FANCM: variants seen among roughly 807,000 people sequenced by gnomAD.
FANCM encodes Fanconi anemia group M protein.
Under a neutral mutation model 199.5 loss-of-function variants are expected in FANCM, and 140 were observed. The ratio of observed to expected loss-of-function variants is 0.70; its 90% CI spans 0.61 to 0.81. The LOEUF (loss-of-function observed/expected upper bound fraction) is 0.81. Among genes scored for constraint, FANCM ranks in the 30% least tolerant of loss-of-function variants. The pLI is 0.00. For synonymous variants in FANCM, 840 were observed against 836.8 expected, an observed-to-expected ratio of 1.00 and a Z score of -0.07; for missense variants, 2,410 against 2,421.4, an observed-to-expected ratio of 1.00 and a Z score of 0.10.
chr14:45,189,162 G>T lies in FANCM; in HGVS notation c.5140G>T (p.Ala1714Ser). ...AAATTCAGTGCCTTCTGGATCTTCT[G>T]CGCAGTCCAAGGTGCGTTCTACTCC... is the stretch of plus-strand genomic sequence containing the variant. Reference protein sequence around the residue: ...CLNSVPSGSSAQSKVRSTPRV... With the variant: ...CLNSVPSGSSSQSKVRSTPRV... The change falls in exon 20 of 23, where the codon GCG becomes TCG. Residue 1714 changes from alanine to serine, a missense_variant. Physicochemically the swap from Ala to Ser is moderately conservative, Grantham distance 99. Coordinates refer to ENST00000267430, the MANE Select transcript of FANCM (RefSeq NM_020937.4). 1 of 1,614,170 alleles carries T rather than the reference G, an allele frequency of 6.2e-7. No homozygotes were observed. The highest frequency in any genetic ancestry group is 2.2e-5 in the East Asian group (1 of 44,876).
chr14:45,173,335 A>G, intron 13 of FANCM, 125 bp downstream of exon 13: 1 of 838,272 alleles, frequency 1.2e-6, no homozygotes, highest in East Asian at 2.6e-5. Flanking sequence ...TTGTGATCTC[A>G]GTAAAGAATG....
rs1219476934 is a variant in FANCM at position 45,141,098 on chromosome 14, T to G, written c.759+389T>G. 3.9e-5 allele frequency among the ~76,000 whole-genome samples: 6 copies of G among 151,908 alleles called. No individual in the cohort carries two copies. In the East Asian group the frequency reaches 1.2e-3, roughly 30 times the overall value. On this transcript the variant is annotated intron_variant, in intron 3 of 22. Coordinates refer to ENST00000267430, the MANE Select transcript of FANCM (RefSeq NM_020937.4). Reference sequence around the variant, plus strand: ...GGTCAGGAGATCCAGACCATCCTGGTTAACACGGTGAAACCCGGTGTCTAC... The same window carrying G: ...GGTCAGGAGATCCAGACCATCCTGGGTAACACGGTGAAACCCGGTGTCTAC...
At chr14:45,162,221 A>G (rs1394286962) in intron 9 of FANCM, among the ~76,000 whole-genome samples, 1 of 152,224 alleles carries the variant, frequency 6.6e-6, no homozygotes, top group Non-Finnish European at 1.5e-5. Flanking sequence ...CCCTGTCTCT[A>G]CTGAAAATAC....
At chr14:45,198,055 C>T (rs1463587391) in intron 21 of FANCM, among the ~76,000 whole-genome samples, 1 of 152,066 alleles carries the variant, frequency 6.6e-6, no homozygotes, top group East Asian at 1.9e-4. Flanking sequence ...GTTTGAGCCA[C>T]CAGCCTTCTT....
chr14:45,140,519 A>T (rs1446377086), intron 2 of FANCM, 113 bp from the exon 3 acceptor site: 5 of 719,386 alleles, frequency 7.0e-6, no homozygotes, highest in African/African-American at 3.5e-5. Context: ...CTAGACCATC[A>T]ATATACTGAT....
chr14:45,193,990 T>A (rs1341968733), intron 20 of FANCM, among the ~76,000 whole-genome samples: 1 of 152,122 alleles, frequency 6.6e-6, no homozygotes, highest in African/African-American at 2.4e-5. Flanking sequence ...AATTAAAATC[T>A]GCAAAAGAAT....
chr14:45,168,433 T>A (rs1160446893), intron 11 of FANCM, among the ~76,000 whole-genome samples: 1 of 151,926 alleles, frequency 6.6e-6, no homozygotes, highest in Non-Finnish European at 1.5e-5. Context: ...CATTATATTT[T>A]TTATAGTTGC....
chr14:45,146,904 T>C (rs933536949), intron 3 of FANCM, among the ~76,000 whole-genome samples: 6 of 150,332 alleles, frequency 4.0e-5, no homozygotes, highest in African/African-American at 1.2e-4. Context: ...ATCTTGTCAG[T>C]GTTCCTTATT....
intron 20 of FANCM, among the ~76,000 whole-genome samples, chr14:45,193,387 C>G (rs1889882960): frequency 1.3e-5 from 2 of 152,288 alleles, no homozygotes; most frequent in Admixed American, 6.5e-5. Flanking sequence ...TCCTAGTGCT[C>G]CCTCCCACCA....
intron 21 of FANCM, 34 bp downstream of exon 21, chr14:45,196,581 T>C: frequency 2.5e-6 from 4 of 1,594,548 alleles, no homozygotes; most frequent in Non-Finnish European, 3.4e-6. Context: ...TTTATAAGAC[T>C]GTAAAGGAAC....
chr14:45,168,769 TAC>T (rs1234233577), intron 11 of FANCM, among the ~76,000 whole-genome samples: 1 of 148,062 alleles, frequency 6.8e-6, no homozygotes, highest in Non-Finnish European at 1.5e-5. Context: ...CTAGTGTTTA[TAC>T]ATAGTATATA....
chr14:45,182,755 C>A (rs1003471030), intron 16 of FANCM, among the ~76,000 whole-genome samples: 1 of 152,142 alleles, frequency 6.6e-6, no homozygotes, highest in African/African-American at 2.4e-5. Flanking sequence ...GAGTTGGATC[C>A]TGATACGCAC....
At position 45,148,200 on chromosome 14, in the gene FANCM, A is replaced by AACACACACACACACAC. The variant is rs200351777; in HGVS notation, c.760-617_760-602dup. On this transcript the variant is annotated intron_variant, in intron 3 of 22. Transcript: ENST00000267430. ...TGACAGAACGAGGCACCGTCTCAAA[A>AACACACACACACACAC]ACACACACACACACACACACACACA... is the stretch of plus-strand genomic sequence containing the variant. 4.5e-3 allele frequency among the ~76,000 whole-genome samples: 646 copies of AACACACACACACACAC among 142,420 alleles called. 3 individuals are homozygous for AACACACACACACACAC. The highest frequency in any genetic ancestry group is 0.016 in the African/African-American group (613 of 38,420). The allele number at this position is 142,420 out of a possible 152,430, so 93.4% of individuals were successfully genotyped here. A position where few individuals can be genotyped will look rare whatever the true frequency, so the allele number is the denominator to read the frequency against.
chr14:45,137,304 A>G lies in FANCM; in HGVS notation c.681+63A>G, dbSNP rs1250142199. 5.2e-6 allele frequency: 7 copies of G among 1,357,526 alleles called. No homozygotes were observed. The South Asian group carries it at 8.2e-5, about 16-fold the overall frequency. 84.1% of individuals were successfully genotyped at this position (1,357,526 alleles called of 1,614,324 possible). A position where few individuals can be genotyped will look rare whatever the true frequency, so the allele number is the denominator to read the frequency against. On this transcript the variant is annotated intron_variant, in intron 2 of 22. Coordinates refer to ENST00000267430, the MANE Select transcript of FANCM (RefSeq NM_020937.4). ...GTACTGTTAAAGAGAATTTTGGCGA[A>G]TAGTTACTAGTGATGGAAGTTATTG...
At chr14:45,167,523 T>G (rs1054669014) in intron 11 of FANCM, 4 of 207,616 alleles carry the variant, frequency 1.9e-5, no homozygotes, top group Non-Finnish European at 2.9e-5. Context: ...AGAAAGAAAT[T>G]CCCTATATGT....
chr14:45,197,871 C>G (rs1161403536), intron 21 of FANCM, among the ~76,000 whole-genome samples: 1 of 151,680 alleles, frequency 6.6e-6, no homozygotes, highest in Non-Finnish European at 1.5e-5. Flanking sequence ...TCAAGTGATT[C>G]TCCTGCCTCA....
chr14:45,190,123 GGCT>G (rs1452106178), intron 20 of FANCM, among the ~76,000 whole-genome samples: 2 of 152,144 alleles, frequency 1.3e-5, no homozygotes. Context: ...CTTCCAGAAT[GGCT>G]GCTAAGTAGT....
In FANCM at chr14:45,176,500, C is replaced by T. The variant is rs768667842; in HGVS notation, c.3746C>T (p.Thr1249Ile). The change falls in exon 14 of 23, where the codon ACA (threonine) becomes ATA (isoleucine). Residue 1249 changes from threonine (T) to isoleucine (I), a missense_variant. Transcript: ENST00000267430. ...TCTGATGATGAAATATTGGAACATA[C>T]ATCAGATAGCAATAGACCTCTAGAT... The part of the protein sequence containing the change: ...PDSDDEILEH[T>I]SDSNRPLDDL... The T allele has an allele frequency of 2.5e-6, 4 of 1,606,498 alleles. No individual in the cohort carries two copies. The highest frequency in any genetic ancestry group is 2.2e-5 in the East Asian group (1 of 44,790).
In FANCM at chr14:45,188,863, G is replaced by A. The variant is rs2139295454; in HGVS notation, c.4841G>A (p.Cys1614Tyr). Residue 1614 changes from cysteine to tyrosine, a missense_variant, in exon 20 of 23, where the codon TGC (cysteine) becomes TAC (tyrosine). By Grantham distance (194) the Cys-to-Tyr change is radical (BLOSUM62 -2). Transcript: ENST00000267430. ...DSFCVDEEESCKGQSSEEEVC... is the reference protein window; with the variant it reads ...DSFCVDEEESYKGQSSEEEVC... ...TTTTGTGTTGATGAAGAGGAGTCTTGCAAAGGCCAATCAAGTGAAGAAGAA... is the reference window on the plus strand; with the variant it reads ...TTTTGTGTTGATGAAGAGGAGTCTTACAAAGGCCAATCAAGTGAAGAAGAA... 2 of 1,613,712 alleles carry A rather than the reference G, an allele frequency of 1.2e-6. No homozygotes were observed. The highest frequency in any genetic ancestry group is 2.2e-5 in the South Asian group (2 of 91,040).
Sources: gnomAD v4.1 joint callset for allele counts (sites outside exome capture counted in the v4.1 genomes callset) on GRCh38, gnomAD v4.1.1 for gene constraint, MANE v1.5 for transcripts, NCBI Gene and HGNC (gene_info 2026-07-23, HGNC 2026-07-21) for gene names.